CFTR: variants seen among roughly 807,000 people sequenced by gnomAD.
The protein encoded by CFTR is cystic fibrosis transmembrane conductance regulator.
Under a neutral mutation model 171.6 loss-of-function variants are expected in CFTR, and 181 were observed. The ratio of observed to expected loss-of-function variants is 1.05; its 90% CI spans 0.93 to 1.19. The LOEUF (loss-of-function observed/expected upper bound fraction) is 1.19, where lower values mean the gene tolerates loss of function less well. Ranked by LOEUF, CFTR falls within the 50% of genes most tolerant of loss-of-function variation. The pLI is 0.00. For missense variants in CFTR, 1,968 were observed against 1,734.7 expected, an observed-to-expected ratio of 1.13 and a Z score of -2.39; for synonymous variants, 583 against 608.0, an observed-to-expected ratio of 0.96 and a Z score of 0.60.
intron 1 of CFTR, among the ~76,000 whole-genome samples, chr7:117,492,312 T>TTTGCA (rs1393942177): frequency 6.6e-6 from 1 of 152,062 alleles, no homozygotes; most frequent in East Asian, 1.9e-4. Context: ...CACCCTCACA[T>TTTGCA]TTGCATTGCA....
chr7:117,598,674 TAAAC>T (rs1260340381), intron 15 of CFTR, among the ~76,000 whole-genome samples: 1 of 152,166 alleles, frequency 6.6e-6, no homozygotes, highest in African/African-American at 2.4e-5. Context: ...CTGTTGTAAA[TAAAC>T]AAACCAAATG....
chr7:117,553,524 C>A (rs1439448564), intron 10 of CFTR, among the ~76,000 whole-genome samples: 1 of 152,180 alleles, frequency 6.6e-6, no homozygotes, highest in Non-Finnish European at 1.5e-5. Flanking sequence ...TCATGCCATA[C>A]ACTCTAAATA....
intron 22 of CFTR, among the ~76,000 whole-genome samples, chr7:117,640,017 A>T (rs1792887247): frequency 6.6e-6 from 1 of 152,172 alleles, no homozygotes; most frequent in Non-Finnish European, 1.5e-5. Context: ...AATTACAGCT[A>T]GCACCAAATT....
At chr7:117,626,395 T>G (rs1792650187) in intron 21 of CFTR, among the ~76,000 whole-genome samples, 1 of 152,138 alleles carries the variant, frequency 6.6e-6, no homozygotes, top group South Asian at 2.1e-4. Flanking sequence ...AAGAATAATT[T>G]TTGAAGTCTA....
At chr7:117,622,048 T>A (rs1289812939) in intron 21 of CFTR, among the ~76,000 whole-genome samples, 1 of 152,202 alleles carries the variant, frequency 6.6e-6, no homozygotes, top group East Asian at 1.9e-4. Context: ...TCACTTCTGA[T>A]AGAAAAAGTG....
chr7:117,484,177 G>A (rs1276395474), intron 1 of CFTR, among the ~76,000 whole-genome samples: 2 of 152,176 alleles, frequency 1.3e-5, no homozygotes, highest in African/African-American at 4.8e-5. Flanking sequence ...ACCCAAACAA[G>A]GGTTTAGTCT....
chr7:117,515,384 C>A (rs1584778821), intron 3 of CFTR, among the ~76,000 whole-genome samples: 1 of 152,108 alleles, frequency 6.6e-6, no homozygotes, highest in Non-Finnish European at 1.5e-5. Flanking sequence ...AGGCAGTTTT[C>A]CCACCACCAT....
chr7:117,584,930 GTTTGT>G (rs144876830), intron 11 of CFTR, among the ~76,000 whole-genome samples: 215 of 141,782 alleles, frequency 1.5e-3, no homozygotes, highest in Admixed American at 4.7e-3. Flanking sequence ...TTTTTTTTTT[GTTTGT>G]TTTGTTTTGT....
chr7:117,563,116 A>G (rs944047790), intron 11 of CFTR, among the ~76,000 whole-genome samples: 1 of 152,180 alleles, frequency 6.6e-6, no homozygotes, highest in African/African-American at 2.4e-5. Context: ...CTTTGTGAAT[A>G]GCAGAAAGAA....
intron 22 of CFTR, among the ~76,000 whole-genome samples, chr7:117,634,769 T>C (rs1482857694): frequency 6.6e-6 from 1 of 152,162 alleles, no homozygotes; most frequent in Non-Finnish European, 1.5e-5. Context: ...TAGCTATCTT[T>C]CTGTTATTGA....
At chr7:117,569,219 G>A (rs557279132) in intron 11 of CFTR, among the ~76,000 whole-genome samples, 11 of 152,208 alleles carry the variant, frequency 7.2e-5, no homozygotes, top group Admixed American at 1.3e-4. Flanking sequence ...TAAGAGGTAC[G>A]CAGAGAAAAG....
intron 21 of CFTR, among the ~76,000 whole-genome samples, chr7:117,623,533 A>G (rs1260757160): frequency 2.6e-5 from 4 of 152,202 alleles, no homozygotes; most frequent in African/African-American, 7.2e-5. Flanking sequence ...AATGAGAGAA[A>G]AGGTTAAGTG....
chr7:117,544,738 G>A (rs987514662), intron 9 of CFTR, among the ~76,000 whole-genome samples: 3 of 152,158 alleles, frequency 2.0e-5, no homozygotes, highest in Non-Finnish European at 4.4e-5. Flanking sequence ...GCAACCTCAT[G>A]CCCAAAACCT....
At chr7:117,657,120 G>A (rs1412844477) in intron 24 of CFTR, among the ~76,000 whole-genome samples, 19 of 152,096 alleles carry the variant, frequency 1.2e-4, no homozygotes. Context: ...GGGAAACTTG[G>A]GAGGGAAGAC....
intron 23 of CFTR, among the ~76,000 whole-genome samples, chr7:117,644,376 A>G (rs565565411): frequency 6.6e-6 from 1 of 152,100 alleles, no homozygotes. Flanking sequence ...CTTTTCTTTG[A>G]AAGTTCAAAT....
intron 1 of CFTR, 79 bp from the exon 2 acceptor site, chr7:117,504,174 A>G (rs1798375432): frequency 2.4e-6 from 2 of 830,296 alleles, no homozygotes; most frequent in South Asian, 2.7e-5. Flanking sequence ...ATATGCCAGA[A>G]AAGTTGAATA....
chr7:117,634,579 T>C (rs532052508), intron 22 of CFTR, among the ~76,000 whole-genome samples: 18 of 152,224 alleles, frequency 1.2e-4, no homozygotes, highest in Admixed American at 5.9e-4. Context: ...TGCATTCTTA[T>C]GCATTCAATG....
chr7:117,540,652 A>C (rs548008074), intron 8 of CFTR, among the ~76,000 whole-genome samples: 2 of 152,324 alleles, frequency 1.3e-5, no homozygotes, highest in East Asian at 3.9e-4. Context: ...AATTTATACA[A>C]AGCTAATTGG....
At position 117,594,933 on chromosome 7, in the gene CFTR, T is replaced by G. The variant is rs916311463; in HGVS notation, c.2494T>G (p.Cys832Gly). The G allele has an allele frequency of 6.2e-7, 1 of 1,612,914 alleles. No individual in the cohort carries two copies. Among genetic ancestry groups the G allele is most frequent in the Non-Finnish European group, 8.5e-7 (1 of 1,179,312 alleles). Residue 832 changes from cysteine (C) to glycine (G), a missense_variant, in exon 15 of 27, where the codon TGC becomes GGC. Physicochemically the swap from Cys to Gly is radical, Grantham distance 159. Transcript: ENST00000003084. ...EEINEEDLKE[C>G]FFDDMESIPA... ...TAGCCATAATTCTTTTATTCAGGAGTGCTTTTTTGATGATATGGAGAGCAT... is the reference window on the plus strand; with the variant it reads ...TAGCCATAATTCTTTTATTCAGGAGGGCTTTTTTGATGATATGGAGAGCAT...
Sources: allele counts gnomAD v4.1 joint callset (sites outside exome capture counted in the v4.1 genomes callset), GRCh38; gene constraint gnomAD v4.1.1; transcripts MANE v1.5; gene names NCBI Gene and HGNC (gene_info 2026-07-23, HGNC 2026-07-21).